Variants in CFAP65 observed in about 807,000 individuals in gnomAD.
CFAP65 encodes the protein cilia and flagella associated protein 65, also known as cilia- and flagella-associated protein 65.
CFAP65 carries 155 observed loss-of-function variants against 208.0 expected under a neutral mutation model. The ratio of observed to expected loss-of-function variants is 0.75; its 90% confidence interval spans 0.65 to 0.85. The LOEUF (loss-of-function observed/expected upper bound fraction) is 0.85. Ranked by LOEUF, CFAP65 falls within the 40% of genes least tolerant of loss-of-function variation. The probability of loss-of-function intolerance (pLI) is 0.00; values close to 1 mark genes in which losing one functional copy is unlikely to be tolerated. For synonymous variants in CFAP65, 970 were observed against 986.3 expected (o/e 0.98, Z 0.31); for missense variants, 2,294 against 2,451.3 (o/e 0.94, Z 1.36).
Position 219,013,535 on chromosome 2 carries a change from T to C in CFAP65, c.3830A>G (p.His1277Arg), listed in dbSNP as rs767537535. The change falls in exon 23 of 35, where the codon CAT (histidine) becomes CGT (arginine). Residue 1277 changes from histidine to arginine, a missense_variant. Coordinates refer to ENST00000341552, the MANE Select transcript of CFAP65 (RefSeq NM_194302.4). ...GGGCCTCACCAGGATCTCCCGGCCA[T>C]GGGACACCTTGAAGAGCACTGGGAG... ...DHLPVLFKVSHGREILLNFIG... is the reference protein window; with the variant it reads ...DHLPVLFKVSRGREILLNFIG... 1 of 1,600,570 alleles carries C rather than the reference T, an allele frequency of 6.2e-7. No homozygotes were observed. Among genetic ancestry groups the C allele is most frequent in the African/African-American group, 1.3e-5 (1 of 74,968 alleles).
chr2:219,006,354 T>A, intron 30 of CFAP65, 111 bp downstream of exon 30: 1 of 1,509,410 alleles, frequency 6.6e-7, no homozygotes, highest in South Asian at 1.1e-5. Flanking sequence ...CATTGGCACT[T>A]TCATCCCTCC....
Position 219,021,242 on chromosome 2 carries a change from G to A in CFAP65, c.3169C>T (p.Arg1057Trp), listed in dbSNP as rs137945646. The A allele has an allele frequency of 3.7e-5, 59 of 1,606,928 alleles. No homozygotes were observed. In the African/African-American group the frequency reaches 5.6e-4, roughly 15 times the overall value. ...GTCAGGCAGATGGTGTCCTGGGACC[G>A]GGGTGGCATGCTCCCCTCTGTTCGG... ...LDRTEGSMPP[R>W]SQDTICLTAC... Residue 1057 changes from arginine (R) to tryptophan (W), a missense_variant, in exon 19 of 35, where the codon CGG becomes TGG. Transcript: ENST00000341552.
chr2:219,032,036 C>T lies in CFAP65; in HGVS notation c.646-378G>A, dbSNP rs1948084267. On this transcript the variant is annotated intron_variant, in intron 6 of 34. Transcript: ENST00000341552. This position sits in a 1 kb window ranked among gnomAD's most constrained non-coding sequence, Gnocchi z 5.5. ...CCCGGTTCAAGTGATTCTGCTGCCT[C>T]AGCCTCCCAAGTAGCTGGGACTACA... Among the ~76,000 whole-genome samples the T allele has an allele frequency of 6.6e-6, 1 of 151,574 alleles. No individual in the cohort carries two copies. Among genetic ancestry groups the T allele is most frequent in the Admixed American group, 6.6e-5 (1 of 15,230 alleles).
rs1001644937 is a variant in CFAP65, at chr2:219,032,172, C to T, written c.645+298G>A. Among the ~76,000 whole-genome samples, 8 of 152,278 alleles carry T rather than the reference C, an allele frequency of 5.3e-5. No individual in the cohort carries two copies. Among genetic ancestry groups the T allele is most frequent in the South Asian group, 4.1e-4 (2 of 4,824 alleles). ...CTGGCCTCAAGTGACCTGCCTGCCT[C>T]GGCCTCCCAAAGTGCTGAGATTCCA... On this transcript the variant is annotated intron_variant, in intron 6 of 34. Coordinates refer to ENST00000341552, the MANE Select transcript of CFAP65 (RefSeq NM_194302.4). The surrounding 1 kb of genome is among the most constrained non-coding windows in gnomAD (Gnocchi z 5.5).
rs752004345 is a variant in CFAP65, at chr2:219,039,008, T to C, written c.41A>G (p.Gln14Arg). Residue 14 changes from glutamine to arginine, a missense_variant, in exon 3 of 35, where the codon CAG becomes CGG. Physicochemically the swap from Gln to Arg is conservative, Grantham distance 43. Transcript: ENST00000341552. ...TGAGACTGATGGATTCTCCACCTTC[T>C]GGGTTTTCTCCACCAGTCTACAACC... ...LTGCRLVEKTQKVENPSVSFA... is the reference protein window; with the variant it reads ...LTGCRLVEKTRKVENPSVSFA... The C allele has an allele frequency of 1.9e-5, 31 of 1,613,386 alleles. No individual in the cohort carries two copies. Among genetic ancestry groups the C allele is most frequent in the Non-Finnish European group, 2.4e-5 (28 of 1,179,638 alleles).
Position 219,003,284 on chromosome 2 carries a change from CG to C in CFAP65, c.5556-13del, listed in dbSNP as rs1559108932. The C allele has an allele frequency of 3.9e-6, 6 of 1,521,918 alleles. No homozygotes were observed. In the East Asian group the frequency reaches 1.5e-4, roughly 38 times the overall value. The allele number at this position is 1,521,918 out of a possible 1,614,324, so 94.3% of individuals were successfully genotyped here. On this transcript the variant is annotated splice_polypyrimidine_tract_variant and intron_variant, in intron 33 of 34. Transcript: ENST00000341552. This position sits in a 1 kb window ranked among gnomAD's most constrained non-coding sequence, Gnocchi z 4.4. ...CGAAGGCCGGGAGCCTGCGAGGGGG[CG>C]GGGGCTAGCATGAGGGCGGCCGCAG...
At position 219,032,787 on chromosome 2, in the gene CFAP65, C is replaced by T. The variant is rs1247487786; in HGVS notation, c.543-215G>A. Among the ~76,000 whole-genome samples, 2 of 152,190 alleles carry T rather than the reference C, an allele frequency of 1.3e-5. No individual in the cohort carries two copies. The highest frequency in any genetic ancestry group is 4.8e-5 in the African/African-American group (2 of 41,532). ...CCCCTCCTATTCTCAGAGATCTTCA[C>T]TCTGAACAAAAGGGGAGTAGTGTTT... On this transcript the variant is annotated intron_variant, in intron 5 of 34. Transcript: ENST00000341552. This position sits in a 1 kb window ranked among gnomAD's most constrained non-coding sequence, Gnocchi z 5.5.
At chr2:219,016,987 G>C (rs896862893) in intron 21 of CFAP65, among the ~76,000 whole-genome samples, 1 of 152,204 alleles carries the variant, frequency 6.6e-6, no homozygotes, top group Non-Finnish European at 1.5e-5. Context: ...GCCTTTTCCC[G>C]CGAGGCTGTA....
intron 19 of CFAP65, among the ~76,000 whole-genome samples, 154 bp downstream of exon 19, chr2:219,020,998 T>A (rs1218564887): frequency 1.3e-5 from 2 of 152,184 alleles, no homozygotes; most frequent in African/African-American, 2.4e-5. Context: ...GTCTGGTGTG[T>A]GGCATTTATG....
intron 2 of CFAP65, 101 bp from the exon 3 acceptor site, chr2:219,039,151 ATTTG>A: frequency 6.8e-6 from 7 of 1,029,184 alleles, no homozygotes; most frequent in Non-Finnish European, 8.5e-6. Context: ...TGGCACATAT[ATTTG>A]TATATATGCC....
intron 21 of CFAP65, among the ~76,000 whole-genome samples, chr2:219,016,291 T>C (rs796865207): frequency 1.8e-5 from 2 of 111,976 alleles, no homozygotes; most frequent in African/African-American, 1.3e-4. Flanking sequence ...TCTCCCTCCT[T>C]TTTTTTTTTT....
At chr2:219,025,767 G>GT (rs978692088) in intron 14 of CFAP65, among the ~76,000 whole-genome samples, 15 of 152,218 alleles carry the variant, frequency 9.9e-5, no homozygotes, top group Non-Finnish European at 1.8e-4. Flanking sequence ...ATAGGAGCCA[G>GT]TGAGTATTTC....
intron 5 of CFAP65, chr2:219,034,196 G>C (rs1481397144): frequency 6.6e-6 from 1 of 152,020 alleles, no homozygotes; most frequent in Non-Finnish European, 1.5e-5. Flanking sequence ...TTCATCTATA[G>C]GTCCAATTAA....
In CFAP65 at chr2:219,004,175, C is replaced by T. The variant is rs1182326580; in HGVS notation, c.5332G>A (p.Glu1778Lys). ...GEEEEEELEE[E>K]EEEEEETEEE... is the part of the protein sequence containing the mutation. ...TCTGTCTCCTCTTCTTCCTCCTCTT[C>T]CTCCTCCAACTCTTCTTCTTCCTCT... Residue 1778 changes from glutamate to lysine, a missense_variant, in exon 33 of 35, where the codon GAA becomes AAA. This residue lies in a region of CFAP65 where 1,427 missense variants were observed against 1,438.7 expected (regional missense o/e 0.99). Transcript: ENST00000341552. The surrounding 1 kb of genome is among the most constrained non-coding windows in gnomAD (Gnocchi z 4.7). 5 of 1,614,002 alleles carry T rather than the reference C, an allele frequency of 3.1e-6. No individual in the cohort carries two copies. Among genetic ancestry groups the T allele is most frequent in the Non-Finnish European group, 4.2e-6 (5 of 1,180,024 alleles).
At chr2:219,025,360 G>C (rs1034973685) in intron 14 of CFAP65, among the ~76,000 whole-genome samples, 2 of 152,174 alleles carry the variant, frequency 1.3e-5, no homozygotes, top group African/African-American at 4.8e-5. Flanking sequence ...AGGGGGAACA[G>C]AATCAACCCA....
chr2:219,031,807 C>A lies in CFAP65; in HGVS notation c.646-149G>T. ...TCAGACTCTGAGGGGAGCTGGGCAC[C>A]TATGTTGTCTTGGTCTCAAACATTA... On this transcript the variant is annotated intron_variant, in intron 6 of 34. Transcript: ENST00000341552. The surrounding 1 kb of genome is among the most constrained non-coding windows in gnomAD (Gnocchi z 5.2). The A allele has an allele frequency of 2.3e-6, 2 of 866,688 alleles. No individual in the cohort carries two copies. The highest frequency in any genetic ancestry group is 5.4e-5 in the East Asian group (2 of 36,850). 53.7% of individuals were successfully genotyped at this position (866,688 alleles called of 1,614,324 possible). A position where few individuals can be genotyped will look rare whatever the true frequency, so the allele number is the denominator to read the frequency against.
intron 10 of CFAP65, 151 bp from the exon 11 acceptor site, chr2:219,029,819 G>T: frequency 8.7e-7 from 1 of 1,153,828 alleles, no homozygotes; most frequent in Non-Finnish European, 1.2e-6. Context: ...AGTGGGACTG[G>T]GATCTCCAGG....
At chr2:219,029,274 T>C in intron 11 of CFAP65, 129 bp downstream of exon 11, 1 of 1,220,714 alleles carries the variant, frequency 8.2e-7, no homozygotes, top group Non-Finnish European at 1.1e-6. Context: ...GGCCCAGGAG[T>C]GGGAGACCAC....
intron 22 of CFAP65, 99 bp from the exon 23 acceptor site, chr2:219,013,684 C>T (rs1033696347): frequency 2.4e-5 from 30 of 1,269,500 alleles, no homozygotes; most frequent in African/African-American, 5.9e-5. Flanking sequence ...AGCTGGCCAG[C>T]CCCTGGGAGC....
Sources: gnomAD v4.1 joint callset for allele counts (sites outside exome capture counted in the v4.1 genomes callset) on GRCh38, gnomAD v4.1.1 for gene constraint, gnomAD v4.1.1 regional missense constraint, Gnocchi (gnomAD v3.1) non-coding constraint, MANE v1.5 for transcripts, NCBI Gene and HGNC (gene_info 2026-07-23, HGNC 2026-07-21) for gene names.